Variants in SPON1 observed in about 807,000 individuals in gnomAD.
The protein encoded by SPON1 is spondin-1.
In SPON1, 52 loss-of-function variants were observed where a neutral mutation model predicts 111.7. The observed-to-expected ratio is 0.47, with a 90% CI of 0.37 to 0.59. The LOEUF (loss-of-function observed/expected upper bound fraction) is 0.59, where lower values mean the gene tolerates loss of function less well. Ranked by LOEUF, SPON1 falls within the 20% of genes least tolerant of loss-of-function variation. The probability of loss-of-function intolerance (pLI) is 0.00; values close to 1 mark genes in which losing one functional copy is unlikely to be tolerated. For missense variants in SPON1, 957 were observed against 1,068.5 expected (o/e 0.90, Z 1.46); for synonymous variants, 410 against 395.8 (o/e 1.04, Z -0.43).
intron 2 of SPON1, among the ~76,000 whole-genome samples, chr11:13,990,738 C>T (rs1554911070): frequency 6.6e-6 from 1 of 152,026 alleles, no homozygotes; most frequent in Non-Finnish European, 1.5e-5. Flanking sequence ...TTTAGTGCTT[C>T]TTTCAGGAGC....
Position 13,982,931 on chromosome 11 carries a change from A to G in SPON1, c.323A>G (p.Glu108Gly). ...GAGAACAGAGAGGGTGATAAGGAAG[A>G]AGACCATGCTGGGACCTTCCAGGTA... The part of the protein sequence containing the change: ...LRENREGDKE[E>G]DHAGTFQIID... The change falls in exon 2 of 16, where the codon GAA becomes GGA. Residue 108 changes from glutamate (E) to glycine (G), a missense_variant. Transcript: ENST00000576479. 1 of 1,555,576 alleles carries G rather than the reference A, an allele frequency of 6.4e-7. No individual in the cohort carries two copies. The highest frequency in any genetic ancestry group is 1.2e-5 in the South Asian group (1 of 84,252).
At chr11:14,203,387 A>T (rs1472124611) in intron 6 of SPON1, among the ~76,000 whole-genome samples, 5 of 152,194 alleles carry the variant, frequency 3.3e-5, no homozygotes, top group Admixed American at 2.0e-4. Flanking sequence ...TGCTTTTAAT[A>T]CCAGGGCAGG....
Position 14,267,838 on chromosome 11 carries a change from C to T in SPON1, c.*2151C>T, listed in dbSNP as rs556783191. 6.6e-6 allele frequency: 1 copy of T among 152,078 alleles called. No homozygotes were observed. The highest frequency in any genetic ancestry group is 2.4e-5 in the African/African-American group (1 of 41,394). The allele number at this position is 152,078 out of a possible 1,614,324, so 9.4% of individuals were successfully genotyped here. The stretch of plus-strand genomic sequence containing the variant: ...AATTTGTTTGGACTTCCACTTGAGA[C>T]AGTAAAGAGAGTATTAGACACCCAG... On this transcript the variant is annotated 3_prime_UTR_variant, in exon 16 of 16. Transcript: ENST00000576479.
At chr11:14,175,034 C>T (rs1342890448) in intron 6 of SPON1, among the ~76,000 whole-genome samples, 1 of 105,752 alleles carries the variant, frequency 9.5e-6, no homozygotes, top group African/African-American at 3.9e-5. Context: ...CAGAAGATAA[C>T]CATGGGTGGG....
Position 14,259,232 on chromosome 11 carries a change from C to A in SPON1, c.1493-48C>A, listed in dbSNP as rs1554941570. ...AGTTCCCACCGCGCAGCCTGGCAGG[C>A]GCCCCTGCCACCGTGCACTGCTGCA... On this transcript the variant is annotated intron_variant, in intron 11 of 15. Coordinates refer to ENST00000576479, the MANE Select transcript of SPON1 (RefSeq NM_006108.4). This position sits in a 1 kb window ranked among gnomAD's most constrained non-coding sequence, Gnocchi z 5.0. 1 of 1,513,346 alleles carries A rather than the reference C, an allele frequency of 6.6e-7. No individual in the cohort carries two copies. Among genetic ancestry groups the A allele is most frequent in the South Asian group, 1.3e-5 (1 of 77,966 alleles). 93.7% of individuals were successfully genotyped at this position (1,513,346 alleles called of 1,614,324 possible). A position where few individuals can be genotyped will look rare whatever the true frequency, so the allele number is the denominator to read the frequency against.
intron 5 of SPON1, among the ~76,000 whole-genome samples, chr11:14,127,151 T>C (rs1219743940): frequency 1.3e-5 from 2 of 152,212 alleles, no homozygotes; most frequent in East Asian, 3.8e-4. Flanking sequence ...CACTATTTCA[T>C]GGACTTCAGC....
chr11:14,073,871 TGGGAAGACAAATGG>T (rs1848896421), intron 3 of SPON1, among the ~76,000 whole-genome samples: 2 of 152,142 alleles, frequency 1.3e-5, no homozygotes, highest in South Asian at 4.1e-4. Flanking sequence ...GTAAATATAA[TGGGAAGACAAATGG>T]GGGAAGAGGC....
intron 2 of SPON1, among the ~76,000 whole-genome samples, chr11:14,039,453 CAG>C (rs1848617562): frequency 6.6e-6 from 1 of 151,930 alleles, no homozygotes; most frequent in Non-Finnish European, 1.5e-5. Context: ...GGTGAAGGGA[CAG>C]GGAATATGTG....
intron 5 of SPON1, among the ~76,000 whole-genome samples, chr11:14,084,651 T>C (rs1848991266): frequency 1.3e-5 from 2 of 152,242 alleles, no homozygotes; most frequent in Admixed American, 1.3e-4. Flanking sequence ...TATAATCCTT[T>C]GGGTATATAC....
In SPON1 at chr11:14,262,700, G is replaced by A; in HGVS notation, c.1997-12G>A. 6.2e-7 allele frequency: 1 copy of A among 1,613,886 alleles called. No homozygotes were observed. ...ACATGTGATACACTCATGCCCATCT[G>A]TGTCTTGCCAGCCATTGACTGTGAG... On this transcript the variant is annotated splice_polypyrimidine_tract_variant and intron_variant, in intron 14 of 15. Coordinates refer to ENST00000576479, the MANE Select transcript of SPON1 (RefSeq NM_006108.4).
chr11:14,107,885 T>G (rs573626818), intron 5 of SPON1, among the ~76,000 whole-genome samples: 1 of 152,340 alleles, frequency 6.6e-6, no homozygotes, highest in East Asian at 1.9e-4. Flanking sequence ...AATGGACTAT[T>G]GTGAGTCAGA....
chr11:14,248,450 C>T (rs1171455263), intron 7 of SPON1, among the ~76,000 whole-genome samples: 2 of 152,004 alleles, frequency 1.3e-5, no homozygotes, highest in South Asian at 2.1e-4. Context: ...TTTCACCTAC[C>T]CCTCAGACTT....
chr11:13,997,063 T>C (rs1175922487), intron 2 of SPON1, among the ~76,000 whole-genome samples: 1 of 152,240 alleles, frequency 6.6e-6, no homozygotes, highest in Non-Finnish European at 1.5e-5. Flanking sequence ...TATTTGCTTA[T>C]GATAAATGAA....
At chr11:14,262,455 C>A in intron 14 of SPON1, 1 of 542,992 alleles carries the variant, frequency 1.8e-6, no homozygotes, top group South Asian at 2.1e-5. Context: ...TCCTGAAAGT[C>A]CTCCAAAGCC....
intron 6 of SPON1, among the ~76,000 whole-genome samples, chr11:14,230,467 A>G (rs992500956): frequency 6.6e-6 from 1 of 152,104 alleles, no homozygotes; most frequent in Non-Finnish European, 1.5e-5. Flanking sequence ...CTTTAAAGAT[A>G]CTCCTTGCCT....
chr11:14,165,487 C>CA (rs1164044264), intron 6 of SPON1, among the ~76,000 whole-genome samples: 2 of 151,932 alleles, frequency 1.3e-5, no homozygotes, highest in South Asian at 4.2e-4. Flanking sequence ...GCTTGCATGG[C>CA]AAAAAACATT....
chr11:14,187,236 G>A (rs1848294861), intron 6 of SPON1, among the ~76,000 whole-genome samples: 1 of 152,156 alleles, frequency 6.6e-6, no homozygotes, highest in Non-Finnish European at 1.5e-5. Flanking sequence ...CCATTTATGA[G>A]GGATCCACCT....
intron 2 of SPON1, among the ~76,000 whole-genome samples, chr11:13,986,932 A>C (rs1848190105): frequency 6.6e-6 from 1 of 152,134 alleles, no homozygotes; most frequent in Non-Finnish European, 1.5e-5. Flanking sequence ...CATGGTGTAT[A>C]TGTGCCACAT....
At chr11:14,194,869 G>A (rs546474221) in intron 6 of SPON1, among the ~76,000 whole-genome samples, 40 of 152,136 alleles carry the variant, frequency 2.6e-4, no homozygotes, top group Non-Finnish European at 5.0e-4. Flanking sequence ...AAATTTAAAG[G>A]TAAACCTAAA....
Sources: gnomAD v4.1 joint callset for allele counts (sites outside exome capture counted in the v4.1 genomes callset) on GRCh38, gnomAD v4.1.1 for gene constraint, Gnocchi (gnomAD v3.1) non-coding constraint, MANE v1.5 for transcripts, NCBI Gene and HGNC (gene_info 2026-07-23, HGNC 2026-07-21) for gene names.